EXOC5: variants seen among roughly 807,000 people sequenced by gnomAD.
EXOC5 encodes the protein SEC10-like 1.
A neutral mutation model predicts 90.8 loss-of-function variants in EXOC5; 17 were observed. The observed-to-expected ratio is 0.19, with a 90% CI of 0.13 to 0.28. EXOC5 has a LOEUF of 0.28. Among genes scored for constraint, EXOC5 ranks in the 10% least tolerant of loss-of-function variants. The pLI, the probability that EXOC5 is intolerant of heterozygous loss-of-function variation, is 1.00. For missense variants in EXOC5, 569 were observed against 830.6 expected (o/e 0.69, Z 3.87); for synonymous variants, 260 against 270.0 (o/e 0.96, Z 0.36).
chr14:57,246,685 T>A, intron 3 of EXOC5, 26 bp downstream of exon 3: 1 of 1,588,072 alleles, frequency 6.3e-7, no homozygotes, highest in South Asian at 1.1e-5. Flanking sequence ...CTATATAAAA[T>A]ACCCATTTCT....
chr14:57,232,179 G>A (rs991308564), intron 10 of EXOC5: 8 of 154,102 alleles, frequency 5.2e-5, no homozygotes, highest in African/African-American at 7.2e-5. Context: ...TCCTCATTAC[G>A]GTAACTTTGG....
chr14:57,222,894 C>G (rs1021725853), intron 12 of EXOC5, among the ~76,000 whole-genome samples: 1 of 151,782 alleles, frequency 6.6e-6, no homozygotes, highest in Non-Finnish European at 1.5e-5. Flanking sequence ...GAGCAAAGAA[C>G]AGTCTAGTAA....
intron 15 of EXOC5, 61 bp from the exon 16 acceptor site, chr14:57,210,122 A>G (rs1212752950): frequency 5.6e-6 from 4 of 716,806 alleles, no homozygotes; most frequent in Non-Finnish European, 7.2e-6. Context: ...TTTATGTTTA[A>G]TTATATTATT....
At position 57,244,303 on chromosome 14, in the gene EXOC5, T is replaced by C. The variant is rs972778582; in HGVS notation, c.327A>G (p.Lys109=). 15 of 1,613,798 alleles carry C rather than the reference T, an allele frequency of 9.3e-6. No individual in the cohort carries two copies. The African/African-American group carries it at 1.7e-4, about 19-fold the overall frequency. The change falls in exon 4 of 18, where the codon AAA becomes AAG. Residue 109 remains lysine, a synonymous_variant. Coordinates refer to ENST00000621441, the MANE Select transcript of EXOC5 (RefSeq NM_006544.4). ...CTAACTGGTCTCCAAGGTGACAGAC[T>C]TTAGTTGCTACATAGCTAATGTGCT... The part of the protein sequence containing the change: ...LDEHISYVAT[K]VCHLGDQLEG...
chr14:57,220,391 C>T (rs987488785), intron 13 of EXOC5, among the ~76,000 whole-genome samples: 1 of 151,884 alleles, frequency 6.6e-6, no homozygotes, highest in Non-Finnish European at 1.5e-5. Flanking sequence ...TCTTTATAGG[C>T]ATCAGAACTC....
Position 57,206,173 on chromosome 14 carries a change from C to T in EXOC5, c.*2436G>A, listed in dbSNP as rs1341150810. On this transcript the variant is annotated 3_prime_UTR_variant, in exon 18 of 18. Coordinates refer to ENST00000621441, the MANE Select transcript of EXOC5 (RefSeq NM_006544.4). Reference sequence around the variant, plus strand: ...GCGGTATTGTGTAATACTGCAAAGACCGTACTTACGTAAATGTTGGTTAAA... The same window carrying T: ...GCGGTATTGTGTAATACTGCAAAGATCGTACTTACGTAAATGTTGGTTAAA... 3.4e-5 allele frequency: 11 copies of T among 319,332 alleles called. No homozygotes were observed. Among genetic ancestry groups the T allele is most frequent in the Admixed American group, 8.6e-5 (2 of 23,280 alleles). The allele number at this position is 319,332 out of a possible 1,614,324, so 19.8% of individuals were successfully genotyped here.
At chr14:57,219,290 A>C in intron 14 of EXOC5, 32 bp downstream of exon 14, 1 of 1,336,808 alleles carries the variant, frequency 7.5e-7, no homozygotes, top group South Asian at 1.5e-5. Context: ...TAGTCACTGA[A>C]ATATCAATGA....
intron 1 of EXOC5, among the ~76,000 whole-genome samples, chr14:57,255,971 G>A (rs1243610115): frequency 6.6e-6 from 1 of 152,096 alleles, no homozygotes; most frequent in Non-Finnish European, 1.5e-5. Flanking sequence ...AGCAGAAAGT[G>A]GGTTCACTTA....
At chr14:57,239,304 C>T (rs986749600) in intron 5 of EXOC5, among the ~76,000 whole-genome samples, 46 of 152,158 alleles carry the variant, frequency 3.0e-4, no homozygotes, top group African/African-American at 1.1e-3. Flanking sequence ...AATTTAACCT[C>T]AGTCGATTTC....
intron 13 of EXOC5, among the ~76,000 whole-genome samples, chr14:57,219,925 T>G (rs1230365000): frequency 6.6e-6 from 1 of 152,152 alleles, no homozygotes; most frequent in African/African-American, 2.4e-5. Context: ...ATTCTGGAAT[T>G]TATTCAGAAT....
rs559083674 is a variant in EXOC5 at position 57,208,328 on chromosome 14, A to C, written c.*281T>G. ...CTGACAGCAACATTTTCTAGGATAA[A>C]AACAGTGACATGTAGTTTTAGAGAA... On this transcript the variant is annotated 3_prime_UTR_variant, in exon 18 of 18. Transcript: ENST00000621441. 3.3e-5 allele frequency: 9 copies of C among 274,098 alleles called. No individual in the cohort carries two copies. Among genetic ancestry groups the C allele is most frequent in the African/African-American group, 1.9e-4 (9 of 46,170 alleles). 17.0% of individuals were successfully genotyped at this position (274,098 alleles called of 1,614,324 possible).
At chr14:57,263,406 G>C (rs1001303115) in intron 1 of EXOC5, among the ~76,000 whole-genome samples, 1 of 151,754 alleles carries the variant, frequency 6.6e-6, no homozygotes, top group African/African-American at 2.4e-5. Context: ...GGAGGTCGAC[G>C]CTGCAGTGAG....
At chr14:57,218,893 A>G (rs78155682) in intron 14 of EXOC5, among the ~76,000 whole-genome samples, 1,569 of 152,162 alleles carry the variant, frequency 0.01, 28 homozygotes, top group African/African-American at 0.036. Flanking sequence ...ACCAAACCTT[A>G]CTCTAATGCC....
At chr14:57,255,185 A>C (rs967058278) in intron 1 of EXOC5, among the ~76,000 whole-genome samples, 1 of 152,178 alleles carries the variant, frequency 6.6e-6, no homozygotes, top group Non-Finnish European at 1.5e-5. Flanking sequence ...AGGCTGATCC[A>C]GCTACTGTGA....
intron 11 of EXOC5, 36 bp from the exon 12 acceptor site, chr14:57,229,917 C>G: frequency 7.8e-7 from 1 of 1,285,462 alleles, no homozygotes; most frequent in Non-Finnish European, 1.0e-6. Context: ...AAAAAGAAAA[C>G]ATTTTACTTA....
chr14:57,236,227 T>C (rs1883653656), intron 6 of EXOC5, among the ~76,000 whole-genome samples: 2 of 152,024 alleles, frequency 1.3e-5, no homozygotes, highest in Admixed American at 6.6e-5. Flanking sequence ...AATAGTGGAC[T>C]GATGACTGAA....
At chr14:57,221,721 C>G (rs1015857409) in intron 13 of EXOC5, among the ~76,000 whole-genome samples, 1 of 151,996 alleles carries the variant, frequency 6.6e-6, no homozygotes, top group Non-Finnish European at 1.5e-5. Context: ...ATATTGGTAA[C>G]GCCTTTTAAT....
chr14:57,267,905 A>G (rs1339913479), intron 1 of EXOC5, among the ~76,000 whole-genome samples: 1 of 152,154 alleles, frequency 6.6e-6, no homozygotes, highest in Non-Finnish European at 1.5e-5. Flanking sequence ...ACATGAAACG[A>G]AGTGTTCGTT....
chr14:57,232,180 G>A (rs1883507342), intron 10 of EXOC5: 1 of 153,950 alleles, frequency 6.5e-6, no homozygotes, highest in African/African-American at 2.4e-5. Context: ...CCTCATTACG[G>A]TAACTTTGGA....
Sources: allele counts gnomAD v4.1 joint callset (sites outside exome capture counted in the v4.1 genomes callset), GRCh38; gene constraint gnomAD v4.1.1; transcripts MANE v1.5; gene names NCBI Gene and HGNC (gene_info 2026-07-23, HGNC 2026-07-21).